SEC14L1: variants seen among roughly 807,000 people sequenced by gnomAD.
SEC14L1 encodes the protein SEC14-like protein 1.
In SEC14L1, 48 loss-of-function variants were observed where a neutral mutation model predicts 85.3. That is an observed-to-expected ratio of 0.56 (90% confidence interval 0.45 to 0.72). The LOEUF (loss-of-function observed/expected upper bound fraction) is 0.72. Among genes scored for constraint, SEC14L1 ranks in the 30% least tolerant of loss-of-function variants. SEC14L1 has a pLI of 0.00. For missense variants in SEC14L1, 682 were observed against 921.4 expected (o/e 0.74, Z 3.36); for synonymous variants, 391 against 355.5 (o/e 1.10, Z -1.12).
intron 3 of SEC14L1, among the ~76,000 whole-genome samples, chr17:77,099,486 G>A (rs1378583347): frequency 2.0e-5 from 3 of 152,032 alleles, no homozygotes; most frequent in African/African-American, 4.8e-5. Flanking sequence ...AGGCATGGCC[G>A]GGCTCACATC....
In SEC14L1 at chr17:77,215,308, G is replaced by C. The variant is rs1201452545; in HGVS notation, c.*1285G>C. On this transcript the variant is annotated 3_prime_UTR_variant, in exon 17 of 17. Transcript: ENST00000436233. ...AGCAGGTTATTTGAGAATCTGTCCA[G>C]AAGTTGCATAGGGGATGGCCTCCAC... The C allele has an allele frequency of 1.0e-6, 1 of 985,254 alleles. No individual in the cohort carries two copies. Among genetic ancestry groups the C allele is most frequent in the Non-Finnish European group, 1.2e-6 (1 of 829,934 alleles). 61.0% of individuals were successfully genotyped at this position (985,254 alleles called of 1,614,324 possible). A position where few individuals can be genotyped will look rare whatever the true frequency, so the allele number is the denominator to read the frequency against.
At chr17:77,118,018 G>T (rs1202149786) in intron 3 of SEC14L1, among the ~76,000 whole-genome samples, 1 of 152,254 alleles carries the variant, frequency 6.6e-6, no homozygotes, top group African/African-American at 2.4e-5. Flanking sequence ...TCTAATCTCA[G>T]TCAGCTTCAG....
chr17:77,201,467 T>C (rs1976139094), intron 9 of SEC14L1, among the ~76,000 whole-genome samples: 1 of 151,898 alleles, frequency 6.6e-6, no homozygotes, highest in East Asian at 1.9e-4. Flanking sequence ...TTTTTTTTTT[T>C]TGAGACAGAG....
intron 3 of SEC14L1, among the ~76,000 whole-genome samples, chr17:77,172,058 C>T (rs563433573): frequency 4.2e-4 from 64 of 152,106 alleles, no homozygotes; most frequent in Non-Finnish European, 8.5e-4. Context: ...TCTGTTTCTT[C>T]TAAGATTTTT....
chr17:77,146,078 C>T (rs554523501), intron 3 of SEC14L1, among the ~76,000 whole-genome samples: 1 of 152,178 alleles, frequency 6.6e-6, no homozygotes, highest in Non-Finnish European at 1.5e-5. Flanking sequence ...CCACCCCGAC[C>T]CCTGCCCTGG....
At chr17:77,098,382 C>T (rs985872689) in intron 3 of SEC14L1, among the ~76,000 whole-genome samples, 3 of 151,984 alleles carry the variant, frequency 2.0e-5, no homozygotes, top group Non-Finnish European at 4.4e-5. Flanking sequence ...ACCTGTAATC[C>T]CAGCTACTCG....
intron 3 of SEC14L1, among the ~76,000 whole-genome samples, chr17:77,186,597 C>T (rs1975278713): frequency 6.6e-6 from 1 of 152,208 alleles, no homozygotes; most frequent in Non-Finnish European, 1.5e-5. Context: ...ATCGATTTAA[C>T]CTTGTAACGT....
rs376021077 is a variant in SEC14L1 at position 77,216,689 on chromosome 17, C to T, written c.*2666C>T. ...AAGATCTGTTCTTTTTAAGTTGATT[C>T]GGGAGTGGCATTCTTTTATACCCAA... is the stretch of plus-strand genomic sequence containing the variant. On this transcript the variant is annotated 3_prime_UTR_variant, in exon 17 of 17. Coordinates refer to ENST00000436233, the MANE Select transcript of SEC14L1 (RefSeq NM_001143998.2). 5.2e-6 allele frequency: 8 copies of T among 1,551,306 alleles called. No homozygotes were observed. Among genetic ancestry groups the T allele is most frequent in the East Asian group, 2.3e-5 (1 of 44,246 alleles).
chr17:77,173,352 G>A (rs1051351044), intron 3 of SEC14L1, among the ~76,000 whole-genome samples: 1 of 151,654 alleles, frequency 6.6e-6, no homozygotes, highest in African/African-American at 2.4e-5. Flanking sequence ...TATAAAGAGG[G>A]GGCACAACGT....
At chr17:77,193,580 G>A in intron 6 of SEC14L1, 31 bp downstream of exon 6, 1 of 1,594,664 alleles carries the variant, frequency 6.3e-7, no homozygotes, top group Non-Finnish European at 8.6e-7. Context: ...TGTGGCAGAG[G>A]GTGGGCAGGA....
At chr17:77,209,572 C>A in intron 14 of SEC14L1, 96 bp downstream of exon 14, 3 of 1,331,204 alleles carry the variant, frequency 2.3e-6, no homozygotes, top group Non-Finnish European at 3.0e-6. Context: ...TCAGAACAGT[C>A]CACTCGTTTT....
chr17:77,179,757 C>A (rs1377503617), intron 3 of SEC14L1, among the ~76,000 whole-genome samples: 1 of 151,992 alleles, frequency 6.6e-6, no homozygotes, highest in Non-Finnish European at 1.5e-5. Flanking sequence ...TCACTGCAAG[C>A]TCCACCTCCC....
At chr17:77,149,295 G>A (rs1203141745) in intron 3 of SEC14L1, among the ~76,000 whole-genome samples, 2 of 152,180 alleles carry the variant, frequency 1.3e-5, no homozygotes, top group Admixed American at 6.5e-5. Flanking sequence ...TCTCCCAAGC[G>A]CGGGTGCTAA....
intron 2 of SEC14L1, chr17:77,089,586 A>G (rs538479086): frequency 1.1e-5 from 5 of 461,786 alleles, no homozygotes; most frequent in Admixed American, 2.6e-5. Flanking sequence ...CTTTCATTCA[A>G]TAAACATTTG....
intron 3 of SEC14L1, among the ~76,000 whole-genome samples, chr17:77,131,443 T>A (rs2143447349): frequency 6.6e-6 from 1 of 152,274 alleles, no homozygotes; most frequent in Middle Eastern, 3.4e-3. Flanking sequence ...CTAATTTTTG[T>A]ATTTTTAGTA....
intron 3 of SEC14L1, chr17:77,152,565 C>CGGTGCCA (rs2143577879): frequency 6.6e-6 from 1 of 151,518 alleles, no homozygotes; most frequent in East Asian, 1.9e-4. Flanking sequence ...TGGAAATGGC[C>CGGTGCCA]GGTGCCAGCT....
chr17:77,158,638 A>G (rs1973913224), intron 3 of SEC14L1, among the ~76,000 whole-genome samples: 1 of 152,150 alleles, frequency 6.6e-6, no homozygotes, highest in South Asian at 2.1e-4. Context: ...ATTGTACTCA[A>G]TTGTATATGC....
At chr17:77,120,559 C>T (rs57994679) in intron 3 of SEC14L1, among the ~76,000 whole-genome samples, 148,905 of 151,538 alleles carry the variant, frequency 0.98, 73,168 homozygotes, top group East Asian at 1. Context: ...TCACTGTAAC[C>T]TCTGCCTCCC....
At chr17:77,139,066 C>T (rs1225586114), upstream of SEC14L1, among the ~76,000 whole-genome samples, 4 of 151,984 alleles carry the variant, frequency 2.6e-5, no homozygotes, top group Non-Finnish European at 5.9e-5. Context: ...CTGTACTTTG[C>T]CAATTGTTTT....
Sources: gnomAD v4.1 joint callset for allele counts (sites outside exome capture counted in the v4.1 genomes callset) on GRCh38, gnomAD v4.1.1 for gene constraint, MANE v1.5 for transcripts, NCBI Gene and HGNC (gene_info 2026-07-23, HGNC 2026-07-21) for gene names.